Variants in AK9 observed in about 807,000 individuals in gnomAD.
AK9 encodes the protein adenylate kinase domain containing 1.
A neutral mutation model predicts 239.6 loss-of-function variants in AK9; 191 were observed. The observed-to-expected ratio is 0.80, with a 90% CI of 0.71 to 0.90. The LOEUF (loss-of-function observed/expected upper bound fraction) is 0.90, where lower values mean the gene tolerates loss of function less well. Among genes scored for constraint, AK9 ranks in the 40% least tolerant of loss-of-function variants. The pLI, the probability that AK9 is intolerant of heterozygous loss-of-function variation, is 0.00. For missense variants in AK9, 1,995 were observed against 2,214.7 expected (o/e 0.90, Z 1.99); for synonymous variants, 689 against 721.0 (o/e 0.96, Z 0.71).
intron 21 of AK9, among the ~76,000 whole-genome samples, chr6:109,566,358 A>C (rs1786515445): frequency 6.6e-6 from 1 of 152,168 alleles, no homozygotes; most frequent in Non-Finnish European, 1.5e-5. Context: ...AAAAACAACA[A>C]AAACAAAATC....
At chr6:109,602,336 T>G (rs1792134282) in intron 17 of AK9, among the ~76,000 whole-genome samples, 1 of 152,230 alleles carries the variant, frequency 6.6e-6, no homozygotes, top group Non-Finnish European at 1.5e-5. Context: ...GTTATGAAGC[T>G]TAGTTTGGCT....
chr6:109,557,634 C>T (rs1785167492), intron 24 of AK9, among the ~76,000 whole-genome samples: 1 of 152,194 alleles, frequency 6.6e-6, no homozygotes. Flanking sequence ...AGTCACCCCT[C>T]CTCCTATGTT....
In AK9 at chr6:109,677,592, T is replaced by C. The variant is rs73762785; in HGVS notation, c.-11-1836A>G. On this transcript the variant is annotated intron_variant, in intron 1 of 40. Coordinates refer to ENST00000424296, the MANE Select transcript of AK9 (RefSeq NM_001145128.3). ...GTCCTAGCCCTGCTAAATATATACA[T>C]GCCTAAAATATGATAAAGGAGGCAT... Among the ~76,000 whole-genome samples, 653 of 152,204 alleles carry C rather than the reference T, an allele frequency of 4.3e-3. 7 individuals are homozygous for C. Among genetic ancestry groups the C allele is most frequent in the African/African-American group, 0.015 (630 of 41,562 alleles).
intron 9 of AK9, among the ~76,000 whole-genome samples, chr6:109,641,852 C>G (rs1287484876): frequency 6.6e-6 from 1 of 152,168 alleles, no homozygotes; most frequent in Non-Finnish European, 1.5e-5. Context: ...GTCTGAGTCT[C>G]TTCTCCTAAT....
chr6:109,652,355 C>A (rs1799092107), intron 8 of AK9, among the ~76,000 whole-genome samples: 1 of 89,108 alleles, frequency 1.1e-5, no homozygotes. Flanking sequence ...AATTCAACAG[C>A]CTTCATGCTG....
At chr6:109,665,293 T>C (rs1181036391) in intron 5 of AK9, among the ~76,000 whole-genome samples, 1 of 152,174 alleles carries the variant, frequency 6.6e-6, no homozygotes, top group Admixed American at 6.5e-5. Context: ...ATCCTTAGTG[T>C]CCAACTTGAC....
In AK9 at chr6:109,499,024, G is replaced by A; in HGVS notation, c.5046+20C>T. On this transcript the variant is annotated intron_variant, in intron 36 of 40. Transcript: ENST00000424296. The stretch of plus-strand genomic sequence containing the variant: ...CATTTTCTTTCTTTAGTAAATATTT[G>A]GAGTTAGGAACAAACTTACATTCAG... 6.8e-7 allele frequency: 1 copy of A among 1,476,278 alleles called. No individual in the cohort carries two copies. The highest frequency in any genetic ancestry group is 9.1e-7 in the Non-Finnish European group (1 of 1,104,562). The allele number at this position is 1,476,278 out of a possible 1,614,324, so 91.4% of individuals were successfully genotyped here.
chr6:109,550,972 C>T (rs941071857), intron 24 of AK9, among the ~76,000 whole-genome samples: 3 of 151,908 alleles, frequency 2.0e-5, no homozygotes, highest in Non-Finnish European at 4.4e-5. Context: ...CGTTTTTCTT[C>T]CAGTACTATG....
intron 8 of AK9, among the ~76,000 whole-genome samples, chr6:109,645,929 T>C (rs891176768): frequency 6.6e-6 from 1 of 152,244 alleles, no homozygotes; most frequent in Non-Finnish European, 1.5e-5. Context: ...CGTTCGCTGG[T>C]GATACCCAGG....
chr6:109,640,246 C>G (rs4946996), intron 10 of AK9, among the ~76,000 whole-genome samples: 95,192 of 151,938 alleles, frequency 0.63, 30,489 homozygotes, highest in South Asian at 0.84. Context: ...GCCAGGCATG[C>G]AATAGTAACT....
In AK9 at chr6:109,528,034, A is replaced by G. The variant is rs117213997; in HGVS notation, c.3633+977T>C. On this transcript the variant is annotated intron_variant, in intron 29 of 40. Coordinates refer to ENST00000424296, the MANE Select transcript of AK9 (RefSeq NM_001145128.3). The stretch of plus-strand genomic sequence containing the variant: ...CTCAATGTTATACAACCTCAGCGAA[A>G]CAACTGAAGTTGAATGTCACATGTG... 3.1e-3 allele frequency: 486 copies of G among 155,754 alleles called. 4 individuals are homozygous for G. The Middle Eastern group carries it at 0.037, about 12-fold the overall frequency. 9.6% of individuals were successfully genotyped at this position (155,754 alleles called of 1,614,324 possible).
At chr6:109,499,653 G>T (rs1777403307) in intron 35 of AK9, among the ~76,000 whole-genome samples, 1 of 151,884 alleles carries the variant, frequency 6.6e-6, no homozygotes, top group African/African-American at 2.4e-5. Context: ...AGGCTGGAGT[G>T]CAGTGGCGTA....
intron 21 of AK9, among the ~76,000 whole-genome samples, chr6:109,572,340 G>A (rs1787531871): frequency 6.6e-6 from 1 of 152,158 alleles, no homozygotes; most frequent in Admixed American, 6.6e-5. Context: ...AGGGGTAGAT[G>A]ACGATACAAT....
chr6:109,552,477 G>A (rs1784486221), intron 24 of AK9, among the ~76,000 whole-genome samples: 1 of 152,116 alleles, frequency 6.6e-6, no homozygotes, highest in South Asian at 2.1e-4. Flanking sequence ...CTTTTTTCAT[G>A]TTTGCTGCCC....
intron 20 of AK9, among the ~76,000 whole-genome samples, chr6:109,577,530 A>C (rs757066687): frequency 1.3e-5 from 2 of 151,744 alleles, no homozygotes; most frequent in Non-Finnish European, 2.9e-5. Flanking sequence ...CTCTCTCTCT[A>C]TCTTTTGGAA....
chr6:109,537,069 T>A (rs1782107168), intron 27 of AK9, among the ~76,000 whole-genome samples: 1 of 152,162 alleles, frequency 6.6e-6, no homozygotes, highest in Non-Finnish European at 1.5e-5. Flanking sequence ...AACTCTCTTT[T>A]TTTGTTGTGT....
chr6:109,679,017 C>T (rs1322418387), intron 1 of AK9, among the ~76,000 whole-genome samples: 1 of 152,174 alleles, frequency 6.6e-6, no homozygotes, highest in Non-Finnish European at 1.5e-5. Context: ...GTTTCAAGCA[C>T]AAAATTGGGC....
At chr6:109,533,899 T>A (rs1417874039) in intron 27 of AK9, among the ~76,000 whole-genome samples, 1 of 152,126 alleles carries the variant, frequency 6.6e-6, no homozygotes, top group South Asian at 2.1e-4. Context: ...ATAAGTTCTC[T>A]GTTTGGGAGC....
intron 8 of AK9, among the ~76,000 whole-genome samples, chr6:109,651,764 A>G (rs1798984203): frequency 6.6e-6 from 1 of 152,178 alleles, no homozygotes; most frequent in Admixed American, 6.6e-5. Context: ...CAGAAATGCA[A>G]ACTACCATCA....
Sources: allele counts gnomAD v4.1 joint callset (sites outside exome capture counted in the v4.1 genomes callset), GRCh38; gene constraint gnomAD v4.1.1; transcripts MANE v1.5; gene names NCBI Gene and HGNC (gene_info 2026-07-23, HGNC 2026-07-21).